Variants in SUMF1 observed in about 807,000 individuals in gnomAD.
SUMF1 encodes the protein formylglycine-generating enzyme.
A neutral mutation model predicts 47.6 loss-of-function variants in SUMF1; 48 were observed. The ratio of observed to expected loss-of-function variants is 1.01; its 90% CI spans 0.80 to 1.28. The LOEUF (loss-of-function observed/expected upper bound fraction) is 1.28, where lower values mean the gene tolerates loss of function less well. Ranked by LOEUF, SUMF1 falls within the 50% of genes most tolerant of loss-of-function variation. The probability of loss-of-function intolerance (pLI) is 0.00; values close to 1 mark genes in which losing one functional copy is unlikely to be tolerated. For synonymous variants in SUMF1, 230 were observed against 192.1 expected (o/e 1.20, Z -1.63); for missense variants, 571 against 485.4 (o/e 1.18, Z -1.66).
intron 3 of SUMF1, 45 bp downstream of exon 3, chr3:4,449,221 A>G: frequency 6.2e-7 from 1 of 1,608,818 alleles, no homozygotes; most frequent in Non-Finnish European, 8.5e-7. Flanking sequence ...AACCCTTTTC[A>G]ATGAGCCTTA....
downstream of SUMF1, among the ~76,000 whole-genome samples, chr3:4,357,762 C>G (rs1699654796): frequency 6.6e-6 from 1 of 151,958 alleles, no homozygotes; most frequent in Non-Finnish European, 1.5e-5. Context: ...CATGCACCAA[C>G]AAGCCCAGCT....
intron 8 of SUMF1, chr3:4,313,423 C>G: frequency 1.2e-6 from 2 of 1,613,962 alleles, no homozygotes; most frequent in Non-Finnish European, 1.7e-6. Context: ...TTCTTGTGAG[C>G]CAAACCTTTT....
intron 8 of SUMF1, among the ~76,000 whole-genome samples, chr3:4,139,567 C>CGTGT (rs1559503917): frequency 1.8e-5 from 2 of 112,200 alleles, no homozygotes; most frequent in East Asian, 2.1e-4. Flanking sequence ...TATATATATG[C>CGTGT]ATGTGTGTGT....
chr3:4,275,431 G>A (rs1011033063), intron 8 of SUMF1, among the ~76,000 whole-genome samples: 2 of 152,128 alleles, frequency 1.3e-5, no homozygotes, highest in Non-Finnish European at 2.9e-5. Context: ...ACAGGGCAAT[G>A]TCAAGAGGCA....
chr3:4,151,588 C>CACACAT (rs1446868885), intron 8 of SUMF1, among the ~76,000 whole-genome samples: 2 of 143,672 alleles, frequency 1.4e-5, no homozygotes, highest in East Asian at 4.1e-4. Context: ...CACACACACA[C>CACACAT]ATGCAAGTAT....
rs559419429 is a variant in SUMF1, at chr3:4,456,673, C to T, written c.271-3624G>A. ...ATATGTGTGTGTATATATATATATA[C>T]GTGTATATATATATGTGTGTATATA... On this transcript the variant is annotated intron_variant, in intron 1 of 8. Transcript: ENST00000272902. Among the ~76,000 whole-genome samples the T allele has an allele frequency of 1.3e-3, 168 of 124,710 alleles. 6 individuals carry two copies. The highest frequency in any genetic ancestry group is 4.0e-3 in the African/African-American group (131 of 32,392). 81.8% of individuals were successfully genotyped at this position (124,710 alleles called of 152,430 possible).
chr3:4,418,122 G>C lies in SUMF1; in HGVS notation c.613C>G (p.Pro205Ala). The stretch of plus-strand genomic sequence containing the variant: ...TCATTCCAGGACACATGGAGAACTG[G>C]ATGATCCGGCCTGGGGAAGAGCAAA... ...DSTILHRPDH[P>A]VLHVSWNDAV... Residue 205 changes from proline (P) to alanine (A), a missense_variant, in exon 5 of 9, where the codon CCA (proline) becomes GCA (alanine). Physicochemically the swap from Pro to Ala is conservative, Grantham distance 27 (BLOSUM62 -1). Coordinates refer to ENST00000272902, the MANE Select transcript of SUMF1 (RefSeq NM_182760.4). 1 of 1,614,060 alleles carries C rather than the reference G, an allele frequency of 6.2e-7. No homozygotes were observed. The highest frequency in any genetic ancestry group is 8.5e-7 in the Non-Finnish European group (1 of 1,180,008).
At chr3:4,369,254 G>C (rs1460509680) in intron 8 of SUMF1, among the ~76,000 whole-genome samples, 1 of 152,064 alleles carries the variant, frequency 6.6e-6, no homozygotes, top group East Asian at 1.9e-4. Context: ...TATAACATTA[G>C]CAATTCTCAG....
intron 8 of SUMF1, among the ~76,000 whole-genome samples, chr3:4,298,668 T>C (rs1202879074): frequency 1.5e-4 from 23 of 152,222 alleles, no homozygotes. Context: ...ATTCTGTAAG[T>C]ATATAGTTAT....
At chr3:4,235,390 C>G (rs908492149) in intron 8 of SUMF1, among the ~76,000 whole-genome samples, 3 of 151,968 alleles carry the variant, frequency 2.0e-5, no homozygotes, top group African/African-American at 7.3e-5. Flanking sequence ...GAGAATAATA[C>G]TAGGCTAGAC....
chr3:4,227,685 T>G (rs1696204454), intron 8 of SUMF1, among the ~76,000 whole-genome samples: 1 of 152,082 alleles, frequency 6.6e-6, no homozygotes, highest in African/African-American at 2.4e-5. Context: ...GTGGTGGAAG[T>G]CAGTCCTCAG....
intron 8 of SUMF1, among the ~76,000 whole-genome samples, chr3:4,266,539 G>C (rs1168831643): frequency 6.6e-6 from 1 of 152,170 alleles, no homozygotes; most frequent in East Asian, 1.9e-4. Flanking sequence ...TCTTATTGGT[G>C]TATAAGAATG....
intron 1 of SUMF1, among the ~76,000 whole-genome samples, chr3:4,456,734 A>ATATATACACACACATATATACGTGTGTG (rs2079629040): frequency 9.1e-6 from 1 of 109,550 alleles, no homozygotes; most frequent in African/African-American, 3.4e-5. Context: ...ATACGTGTGT[A>ATATATACACACACATATATACGTGTGTG]TATATACACA....
intron 8 of SUMF1, among the ~76,000 whole-genome samples, chr3:4,095,002 T>C (rs1692871574): frequency 6.6e-6 from 1 of 152,090 alleles, no homozygotes; most frequent in Non-Finnish European, 1.5e-5. Flanking sequence ...TTGGTAGTGA[T>C]GTTATAAAGA....
chr3:4,396,284 T>A (rs1701035721), intron 7 of SUMF1, among the ~76,000 whole-genome samples: 1 of 152,228 alleles, frequency 6.6e-6, no homozygotes, highest in Non-Finnish European at 1.5e-5. Flanking sequence ...ATTTTTCGAA[T>A]AAATCATTCG....
intron 7 of SUMF1, among the ~76,000 whole-genome samples, chr3:4,401,277 G>A (rs1046377583): frequency 5.3e-5 from 8 of 152,046 alleles, no homozygotes; most frequent in Non-Finnish European, 7.4e-5. Context: ...ATAAACATAC[G>A]TGTGCATATG....
intron 8 of SUMF1, among the ~76,000 whole-genome samples, chr3:4,251,648 C>A (rs765752939): frequency 3.9e-5 from 6 of 152,150 alleles, no homozygotes; most frequent in Non-Finnish European, 8.8e-5. Flanking sequence ...AATATTCAGA[C>A]AGTCAATCCT....
rs111811928 is a variant in SUMF1, at chr3:4,257,842, C to T, written c.1014+118488G>A. Among the ~76,000 whole-genome samples, 1,030 of 151,448 alleles carry T rather than the reference C, an allele frequency of 6.8e-3. 9 individuals are homozygous for T. Among genetic ancestry groups the T allele is most frequent in the African/African-American group, 0.023 (960 of 41,280 alleles). On this transcript the variant is annotated intron_variant and NMD_transcript_variant, in intron 8 of 12. Coordinates refer to the SUMF1 transcript ENST00000448413. Reference sequence around the variant, plus strand: ...CAAAAGAACAAAGCTGGAAGCATCACGCTACCTGACTTCAAACTATACTAC... The same window carrying T: ...CAAAAGAACAAAGCTGGAAGCATCATGCTACCTGACTTCAAACTATACTAC...
At position 4,056,254 on chromosome 3, in the gene SUMF1, C is replaced by A. The variant is rs184002234; in HGVS notation, c.1191+12315G>T. On this transcript the variant is annotated intron_variant and NMD_transcript_variant, in intron 9 of 12. Transcript: ENST00000448413. The stretch of plus-strand genomic sequence containing the variant: ...CTGATCCCAAAAGATTCACACATGT[C>A]CCAAGCCATTACACCAGGTAATTCT... Among the ~76,000 whole-genome samples the A allele has an allele frequency of 2.0e-5, 3 of 152,238 alleles. No homozygotes were observed. The East Asian group carries it at 5.8e-4, about 29-fold the overall frequency.
Sources: gnomAD v4.1 joint callset for allele counts (sites outside exome capture counted in the v4.1 genomes callset) on GRCh38, gnomAD v4.1.1 for gene constraint, MANE v1.5 for transcripts, NCBI Gene and HGNC (gene_info 2026-07-23, HGNC 2026-07-21) for gene names.